Variants in ANXA13 observed in about 807,000 individuals in gnomAD.
The protein encoded by ANXA13 is annexin XIII.
A neutral mutation model predicts 46.6 loss-of-function variants in ANXA13; 36 were observed. The observed-to-expected ratio is 0.77, with a 90% CI of 0.59 to 1.02. ANXA13 has a LOEUF of 1.02. Among genes scored for constraint, ANXA13 ranks in the 50% least tolerant of loss-of-function variants. The pLI, the probability that ANXA13 is intolerant of heterozygous loss-of-function variation, is 0.00. For missense variants in ANXA13, 417 were observed against 396.5 expected (o/e 1.05, Z -0.44); for synonymous variants, 163 against 152.9 (o/e 1.07, Z -0.49).
At chr8:123,718,525 C>A (rs1026579749) in intron 1 of ANXA13, among the ~76,000 whole-genome samples, 1 of 152,164 alleles carries the variant, frequency 6.6e-6, no homozygotes, top group Non-Finnish European at 1.5e-5. Context: ...GAGGTGCTGG[C>A]CATCATGCCT....
At chr8:123,682,698 C>T (rs749407506) in intron 10 of ANXA13, among the ~76,000 whole-genome samples, 7 of 152,110 alleles carry the variant, frequency 4.6e-5, no homozygotes, top group Non-Finnish European at 7.4e-5. Context: ...GCTCCTTGCC[C>T]CGTGCTGGGA....
chr8:123,715,781 C>G (rs774368522), intron 1 of ANXA13, among the ~76,000 whole-genome samples: 17 of 152,180 alleles, frequency 1.1e-4, no homozygotes, highest in Non-Finnish European at 2.5e-4. Context: ...CCTGGCCAGG[C>G]AGCGGTTGAG....
intron 9 of ANXA13, among the ~76,000 whole-genome samples, chr8:123,685,977 A>G (rs1330321399): frequency 6.6e-6 from 1 of 152,178 alleles, no homozygotes; most frequent in Non-Finnish European, 1.5e-5. Context: ...TGTGGGGATC[A>G]TTGTCTGCCT....
At chr8:123,691,378 T>C (rs1277544167) in intron 8 of ANXA13, among the ~76,000 whole-genome samples, 3 of 152,186 alleles carry the variant, frequency 2.0e-5, no homozygotes. Context: ...GATAGCATTT[T>C]AGAGCTGGTT....
intron 1 of ANXA13, among the ~76,000 whole-genome samples, chr8:123,736,427 G>A (rs1430308594): frequency 1.3e-5 from 2 of 152,170 alleles, no homozygotes; most frequent in Non-Finnish European, 2.9e-5. Context: ...TAGTGTTTTA[G>A]TCAGTTTTTA....
intron 3 of ANXA13, among the ~76,000 whole-genome samples, chr8:123,701,664 CTATT>C (rs1346260378): frequency 6.6e-6 from 1 of 152,104 alleles, no homozygotes; most frequent in Non-Finnish European, 1.5e-5. Flanking sequence ...GCAAATAGCT[CTATT>C]TATGGCACTG....
intron 8 of ANXA13, among the ~76,000 whole-genome samples, chr8:123,692,335 CTGT>C (rs1028307394): frequency 5.3e-5 from 8 of 152,238 alleles, no homozygotes; most frequent in African/African-American, 1.9e-4. Context: ...TATAGTTACC[CTGT>C]TGTTGTGAAA....
chr8:123,701,746 T>C (rs1417085996), intron 3 of ANXA13, among the ~76,000 whole-genome samples: 1 of 112,554 alleles, frequency 8.9e-6, no homozygotes, highest in East Asian at 2.3e-4. Flanking sequence ...ATGTGAGTCC[T>C]GGTTCTCTTT....
Position 123,735,780 on chromosome 8 carries a change from T to C in ANXA13, c.15+1540A>G, listed in dbSNP as rs1244066803. ...AGGCTGTGGGGCCTCTGGCTCTCCA[T>C]TCCGTGATGGGTGGCTGAGAGGCTG... is the stretch of plus-strand genomic sequence containing the variant. On this transcript the variant is annotated intron_variant, in intron 1 of 10. Transcript: ENST00000419625. The C allele has an allele frequency of 3.7e-6, 6 of 1,612,330 alleles. No individual in the cohort carries two copies. The highest frequency in any genetic ancestry group is 1.1e-5 in the South Asian group (1 of 90,594).
chr8:123,696,559 C>A (rs538765706), intron 4 of ANXA13, among the ~76,000 whole-genome samples: 7 of 80,758 alleles, frequency 8.7e-5, no homozygotes, highest in African/African-American at 3.6e-4. Context: ...TGCTCCCCCA[C>A]CCCCCCCACC....
intron 1 of ANXA13, among the ~76,000 whole-genome samples, chr8:123,725,834 C>A (rs895634065): frequency 8.5e-5 from 13 of 152,178 alleles, no homozygotes; most frequent in African/African-American, 3.1e-4. Flanking sequence ...AACCTCTTCC[C>A]ACATTAGAAG....
Position 123,684,831 on chromosome 8 carries a change from G to C in ANXA13, c.719-109C>G, listed in dbSNP as rs139311442. ...GCCCTTCGAGCTGACTGGATGGTGA[G>C]ACAGAGGTGTGAAAAGAGCTGACTT... On this transcript the variant is annotated intron_variant, in intron 9 of 10. Transcript: ENST00000419625. 406 of 754,532 alleles carry C rather than the reference G, an allele frequency of 5.4e-4. 3 individuals carry two copies. In the African/African-American group the frequency reaches 6.5e-3, roughly 12 times the overall value. 46.7% of individuals were successfully genotyped at this position (754,532 alleles called of 1,614,324 possible).
In ANXA13 at chr8:123,702,730, T is replaced by C. The variant is rs1467992068; in HGVS notation, c.98A>G (p.Asn33Ser). 13 of 1,613,886 alleles carry C rather than the reference T, an allele frequency of 8.1e-6. No individual in the cohort carries two copies. Among genetic ancestry groups the C allele is most frequent in the South Asian group, 1.1e-5 (1 of 91,084 alleles). ...TAAGATTTCAATGATGGCTGCTTCATTGGTCCCTAAAATACAGGAGAAACA... is the reference window on the plus strand; with the variant it reads ...TAAGATTTCAATGATGGCTGCTTCACTGGTCCCTAAAATACAGGAGAAACA... The part of the protein sequence containing the change: ...LNKACKGMGT[N>S]EAAIIEILSG... Residue 33 changes from asparagine to serine, a missense_variant, in exon 3 of 11, where the codon AAT (asparagine) becomes AGT (serine). By Grantham distance (46) the Asn-to-Ser change is conservative. Transcript: ENST00000419625.
At chr8:123,724,376 C>G (rs903643052) in intron 1 of ANXA13, among the ~76,000 whole-genome samples, 11 of 152,194 alleles carry the variant, frequency 7.2e-5, no homozygotes, top group African/African-American at 2.4e-4. Context: ...GGATCCCAGT[C>G]TGATCCTATG....
At chr8:123,732,677 T>G (rs1342493048) in intron 1 of ANXA13, among the ~76,000 whole-genome samples, 8 of 151,986 alleles carry the variant, frequency 5.3e-5, no homozygotes, top group Non-Finnish European at 1.0e-4. Context: ...GGTTTGTTTT[T>G]TTTTTTTGCA....
At chr8:123,722,136 C>G (rs748453257) in intron 1 of ANXA13, among the ~76,000 whole-genome samples, 5 of 151,856 alleles carry the variant, frequency 3.3e-5, no homozygotes, top group Non-Finnish European at 7.4e-5. Context: ...GAGACCCTGT[C>G]TCTACAAAAA....
chr8:123,691,601 C>T (rs138150544), intron 8 of ANXA13, among the ~76,000 whole-genome samples: 84 of 152,238 alleles, frequency 5.5e-4, no homozygotes, highest in Middle Eastern at 3.4e-3. Context: ...CCCTATTTTA[C>T]GTTTGGGAAA....
At position 123,722,533 on chromosome 8, in the gene ANXA13, T is replaced by C. The variant is rs141287900; in HGVS notation, c.16-9780A>G. ...ATAAATATTCTCGATGATGAGAAAATAGAAAGTAAAATGAAAAATGAAGTC... is the reference window on the plus strand; with the variant it reads ...ATAAATATTCTCGATGATGAGAAAACAGAAAGTAAAATGAAAAATGAAGTC... On this transcript the variant is annotated intron_variant, in intron 1 of 10. Coordinates refer to ENST00000419625, the MANE Select transcript of ANXA13 (RefSeq NM_004306.4). 7.9e-5 allele frequency among the ~76,000 whole-genome samples: 12 copies of C among 151,992 alleles called. No homozygotes were observed. In the East Asian group the frequency reaches 2.3e-3, roughly 29 times the overall value.
At chr8:123,684,213 A>G (rs1184323190) in intron 10 of ANXA13, among the ~76,000 whole-genome samples, 2 of 152,242 alleles carry the variant, frequency 1.3e-5, no homozygotes, top group African/African-American at 4.8e-5. Context: ...TGTTCAGTTA[A>G]GGAAAGGCCT....
Sources: gnomAD v4.1 joint callset for allele counts (sites outside exome capture counted in the v4.1 genomes callset) on GRCh38, gnomAD v4.1.1 for gene constraint, MANE v1.5 for transcripts, NCBI Gene and HGNC (gene_info 2026-07-23, HGNC 2026-07-21) for gene names.